Variants in FBP2 observed in about 807,000 individuals in gnomAD.
FBP2 encodes the protein fructose-1,6-bisphosphatase isozyme 2.
Under a neutral mutation model 31.6 loss-of-function variants are expected in FBP2, and 27 were observed. The observed-to-expected ratio is 0.85, with a 90% CI of 0.63 to 1.18. The LOEUF is 1.18. Ranked by LOEUF, FBP2 falls within the 50% of genes most tolerant of loss-of-function variation. The probability of loss-of-function intolerance (pLI) is 0.00; values close to 1 mark genes in which losing one functional copy is unlikely to be tolerated. For missense variants in FBP2, 421 were observed against 436.1 expected (o/e 0.97, Z 0.31); for synonymous variants, 168 against 179.8 (o/e 0.93, Z 0.53).
intron 1 of FBP2, among the ~76,000 whole-genome samples, chr9:94,591,658 C>T (rs927390036): frequency 6.6e-6 from 1 of 152,182 alleles, no homozygotes; most frequent in Admixed American, 6.5e-5. Context: ...CAGGCACAGG[C>T]AAATCTGGTC....
In FBP2 at chr9:94,576,354, C is replaced by A. The variant is rs1827314423; in HGVS notation, c.427-4752G>T. The stretch of plus-strand genomic sequence containing the variant: ...CTTTACTAGTTGTGGTTAATAAAGT[C>A]ACTTTCTATCTACCAGGCCTCACTC... On this transcript the variant is annotated intron_variant, in intron 3 of 6. Transcript: ENST00000375337. Among the ~76,000 whole-genome samples, 6 of 152,316 alleles carry A rather than the reference C, an allele frequency of 3.9e-5. No individual in the cohort carries two copies. In the South Asian group the frequency reaches 1.2e-3, roughly 32 times the overall value.
chr9:94,564,004 C>A (rs1370016043), intron 5 of FBP2, among the ~76,000 whole-genome samples: 2 of 152,168 alleles, frequency 1.3e-5, no homozygotes, highest in African/African-American at 4.8e-5. Flanking sequence ...CCTTAGAGAC[C>A]TTCAAAGAGA....
chr9:94,566,848 TTA>T (rs1380639051), intron 5 of FBP2, among the ~76,000 whole-genome samples: 2 of 152,192 alleles, frequency 1.3e-5, no homozygotes, highest in African/African-American at 4.8e-5. Context: ...AGTTTATATT[TTA>T]TGTTTCTAAT....
intron 1 of FBP2, among the ~76,000 whole-genome samples, chr9:94,591,058 A>G (rs1315963148): frequency 6.6e-6 from 1 of 152,200 alleles, no homozygotes; most frequent in African/African-American, 2.4e-5. Flanking sequence ...TCCCCACCAG[A>G]CTCAGGAGCC....
intron 1 of FBP2, among the ~76,000 whole-genome samples, chr9:94,591,263 G>A (rs559194856): frequency 6.6e-6 from 1 of 152,334 alleles, no homozygotes; most frequent in African/African-American, 2.4e-5. Flanking sequence ...CAGGCATGGC[G>A]GGCTGCAGGT....
intron 3 of FBP2, among the ~76,000 whole-genome samples, chr9:94,574,625 TTTAAAA>T (rs1213910898): frequency 3.9e-5 from 6 of 152,138 alleles, no homozygotes; most frequent in Non-Finnish European, 7.4e-5. Context: ...GCAGTGCAGT[TTTAAAA>T]TTAAAATTAT....
At chr9:94,582,989 G>A (rs1827389459) in intron 3 of FBP2, among the ~76,000 whole-genome samples, 1 of 151,374 alleles carries the variant, frequency 6.6e-6, no homozygotes, top group South Asian at 2.1e-4. Flanking sequence ...GAGTAGCAGG[G>A]ATTATAGGCG....
intron 6 of FBP2, among the ~76,000 whole-genome samples, chr9:94,560,293 C>G (rs897979574): frequency 2.6e-5 from 4 of 152,208 alleles, no homozygotes; most frequent in African/African-American, 9.7e-5. Flanking sequence ...CCTGCAGGCA[C>G]ATGAGAACTG....
intron 3 of FBP2, among the ~76,000 whole-genome samples, chr9:94,582,390 A>AGTTT (rs1222883739): frequency 7.1e-6 from 1 of 141,564 alleles, no homozygotes; most frequent in African/African-American, 2.7e-5. Flanking sequence ...GTGTGTGTAT[A>AGTTT]GTTTGTTTGT....
chr9:94,573,186 A>G (rs1827286215), intron 3 of FBP2: 1 of 152,332 alleles, frequency 6.6e-6, no homozygotes, highest in South Asian at 2.1e-4. Flanking sequence ...GTCTTTCACC[A>G]TTAAATGTAA....
intron 1 of FBP2, among the ~76,000 whole-genome samples, chr9:94,592,153 G>A (rs986677816): frequency 3.9e-5 from 6 of 152,166 alleles, no homozygotes; most frequent in East Asian, 1.9e-4. Flanking sequence ...ACAGGGCACC[G>A]CCTGCCCTCA....
At chr9:94,588,616 C>T (rs1827456070) in intron 1 of FBP2, among the ~76,000 whole-genome samples, 1 of 152,016 alleles carries the variant, frequency 6.6e-6, no homozygotes, top group African/African-American at 2.4e-5. Context: ...GGAGGGAGAC[C>T]CTCAAAATAA....
Position 94,593,675 on chromosome 9 carries a change from C to G in FBP2, c.52G>C (p.Val18Leu). The change falls in exon 1 of 7, where the codon GTT (valine) becomes CTT (leucine). Residue 18 changes from valine (V) to leucine (L), a missense_variant. Val to Leu is a conservative substitution (Grantham distance 32). Coordinates refer to ENST00000375337, the MANE Select transcript of FBP2 (RefSeq NM_003837.4). ...ETDMLTLTRY[V>L]MEKGRQAKGT... ...TTGGCCTGACGCCCCTTTTCCATAA[C>G]GTAGCGGGTCAGGGTGAGCATGTCG... 6.2e-7 allele frequency: 1 copy of G among 1,614,214 alleles called. No individual in the cohort carries two copies.
intron 6 of FBP2, among the ~76,000 whole-genome samples, chr9:94,560,675 A>AT (rs1827084234): frequency 6.8e-6 from 1 of 147,540 alleles, no homozygotes; most frequent in Non-Finnish European, 1.5e-5. Context: ...TATTATGGTA[A>AT]TTTTTTTCTA....
At position 94,577,178 on chromosome 9, in the gene FBP2, C is replaced by G. The variant is rs1363194338; in HGVS notation, c.427-5576G>C. Reference sequence around the variant, plus strand: ...GGTGGTGAGGGTACTGACCCCAAGCCTTGCAGTGGCTGAAAGGCTCACAAG... The same window carrying G: ...GGTGGTGAGGGTACTGACCCCAAGCGTTGCAGTGGCTGAAAGGCTCACAAG... On this transcript the variant is annotated intron_variant, in intron 3 of 6. Transcript: ENST00000375337. 2.0e-5 allele frequency: 3 copies of G among 152,352 alleles called. No homozygotes were observed. In the East Asian group the frequency reaches 5.8e-4, roughly 29 times the overall value. The allele number at this position is 152,352 out of a possible 1,614,324, so 9.4% of individuals were successfully genotyped here.
intron 1 of FBP2, among the ~76,000 whole-genome samples, chr9:94,591,457 A>C (rs1827502472): frequency 6.6e-6 from 1 of 151,768 alleles, no homozygotes; most frequent in South Asian, 2.1e-4. Context: ...CGCCAAGCCC[A>C]CGCCCACCCG....
intron 4 of FBP2, chr9:94,568,888 C>G (rs1339532545): frequency 6.6e-6 from 1 of 152,262 alleles, no homozygotes; most frequent in Non-Finnish European, 1.5e-5. Flanking sequence ...CTCTCTTCCT[C>G]AAATCCTCTT....
intron 6 of FBP2, 70 bp downstream of exon 6, chr9:94,563,272 C>T: frequency 6.4e-7 from 1 of 1,551,698 alleles, no homozygotes; most frequent in Non-Finnish European, 8.8e-7. Context: ...AGCCAAACAG[C>T]AGGTGTGACG....
In FBP2 at chr9:94,559,225, G is replaced by C. The variant is rs1564177866; in HGVS notation, c.826-93C>G. ...AGCTGGGGGAGGAGTTTGTACTGCG[G>C]TGCTTCCATCTGGCTAGCATGAGCG... On this transcript the variant is annotated intron_variant, in intron 6 of 6. Transcript: ENST00000375337. 3 of 1,144,976 alleles carry C rather than the reference G, an allele frequency of 2.6e-6. No individual in the cohort carries two copies. The African/African-American group carries it at 4.6e-5, about 18-fold the overall frequency. 70.9% of individuals were successfully genotyped at this position (1,144,976 alleles called of 1,614,324 possible).
Sources: gnomAD v4.1 joint callset for allele counts (sites outside exome capture counted in the v4.1 genomes callset) on GRCh38, gnomAD v4.1.1 for gene constraint, MANE v1.5 for transcripts, NCBI Gene and HGNC (gene_info 2026-07-23, HGNC 2026-07-21) for gene names.